OVCH1: variants seen among roughly 807,000 people sequenced by gnomAD.
OVCH1 encodes ovochymase-1.
Under a neutral mutation model 138.4 loss-of-function variants are expected in OVCH1, and 139 were observed. That is an observed-to-expected ratio of 1.00 (90% CI 0.87 to 1.16). OVCH1 has a LOEUF of 1.16. Among genes scored for constraint, OVCH1 ranks in the 50% most tolerant of loss-of-function variants. The pLI is 0.00. For missense variants in OVCH1, 1,367 were observed against 1,357.9 expected, an observed-to-expected ratio of 1.01 and a Z score of -0.11; for synonymous variants, 453 against 467.8, an observed-to-expected ratio of 0.97 and a Z score of 0.41.
intron 18 of OVCH1, 96 bp from the exon 19 acceptor site, chr12:29,462,104 T>C (rs1454804432): frequency 1.5e-6 from 2 of 1,314,806 alleles, no homozygotes; most frequent in African/African-American, 2.9e-5. Context: ...TGTACCAACA[T>C]AGCTGAAGTC....
chr12:29,478,932 T>A (rs1204447091), intron 8 of OVCH1: 1 of 1,517,106 alleles, frequency 6.6e-7, no homozygotes, highest in African/African-American at 1.4e-5. Context: ...TCAGGATTAT[T>A]TTATCTTCTG....
intron 3 of OVCH1, among the ~76,000 whole-genome samples, chr12:29,418,271 T>A (rs919922984): frequency 6.6e-6 from 1 of 152,202 alleles, no homozygotes; most frequent in Non-Finnish European, 1.5e-5. Flanking sequence ...TCAGTAACCA[T>A]TAAGCAAGAA....
At chr12:29,464,815 A>G (rs1942261500) in intron 17 of OVCH1, 113 bp from the exon 18 acceptor site, 5 of 903,264 alleles carry the variant, frequency 5.5e-6, no homozygotes, top group Non-Finnish European at 8.5e-6. Flanking sequence ...TACATAAACA[A>G]TGCAGAAGAC....
downstream of OVCH1, among the ~76,000 whole-genome samples, chr12:29,409,822 G>T (rs1401812602): frequency 6.6e-6 from 1 of 152,106 alleles, no homozygotes; most frequent in Non-Finnish European, 1.5e-5. Flanking sequence ...TGTCTATGAG[G>T]TCTGCTTGGT....
At chr12:29,463,662 T>C (rs895902057) in intron 18 of OVCH1, among the ~76,000 whole-genome samples, 8 of 152,192 alleles carry the variant, frequency 5.3e-5, no homozygotes, top group Non-Finnish European at 8.8e-5. Context: ...AGCAAGTTAC[T>C]TAAATCTTTG....
At chr12:29,441,094 T>G (rs1392163475) in intron 25 of OVCH1, among the ~76,000 whole-genome samples, 1 of 152,128 alleles carries the variant, frequency 6.6e-6, no homozygotes, top group African/African-American at 2.4e-5. Context: ...GTCCCATATA[T>G]CCCATGGTGT....
intron 18 of OVCH1, among the ~76,000 whole-genome samples, chr12:29,463,887 T>C (rs923875113): frequency 6.6e-6 from 1 of 152,186 alleles, no homozygotes; most frequent in African/African-American, 2.4e-5. Flanking sequence ...AAAATGATCT[T>C]GTATGGTATA....
chr12:29,474,879 T>C (rs1942648824), intron 14 of OVCH1, among the ~76,000 whole-genome samples, 182 bp downstream of exon 14: 1 of 152,164 alleles, frequency 6.6e-6, no homozygotes, highest in Non-Finnish European at 1.5e-5. Flanking sequence ...AAAGCACAGA[T>C]TCCTGGGCCC....
At chr12:29,475,808 G>A (rs959724145) in intron 13 of OVCH1, among the ~76,000 whole-genome samples, 2 of 152,184 alleles carry the variant, frequency 1.3e-5, no homozygotes, top group Non-Finnish European at 1.5e-5. Context: ...AGTTTTAAAA[G>A]TCTTAAAATT....
chr12:29,439,510 AC>A (rs1374304313), intron 25 of OVCH1: 2 of 1,360,962 alleles, frequency 1.5e-6, no homozygotes, highest in East Asian at 5.7e-5. Context: ...AAACTTCTCT[AC>A]ACCAACTAAA....
At chr12:29,471,829 A>C (rs1184694948) in exon 16 of OVCH1, 1 of 1,612,330 alleles carries the variant, frequency 6.2e-7, no homozygotes, top group South Asian at 1.1e-5. Context: ...TGCGGTCAGA[A>C]TCCACACTGG....
rs1195688729 is a variant in OVCH1, at chr12:29,478,827, A to G, written c.1069+8T>C. 3.8e-6 allele frequency: 6 copies of G among 1,559,538 alleles called. No individual in the cohort carries two copies. The Admixed American group carries it at 9.4e-5, about 24-fold the overall frequency. On this transcript the variant is annotated splice_region_variant and intron_variant, in intron 9 of 27. Transcript: ENST00000318184. ...AATGACAAATAAAAACAAATGTAAC[A>G]TACTTACTAAAAAGCACTCCACTGC...
At chr12:29,448,007 G>A (rs1394040962) in intron 22 of OVCH1, among the ~76,000 whole-genome samples, 1 of 151,562 alleles carries the variant, frequency 6.6e-6, no homozygotes, top group African/African-American at 2.4e-5. Context: ...ATCATAATGT[G>A]TTAGATTCTA....
downstream of OVCH1, among the ~76,000 whole-genome samples, chr12:29,423,823 A>G (rs1272819384): frequency 1.3e-5 from 2 of 152,224 alleles, no homozygotes; most frequent in East Asian, 3.9e-4. Flanking sequence ...TAATCTCTAC[A>G]TCGTCCTTAT....
intron 1 of OVCH1, 42 bp from the exon 2 acceptor site, chr12:29,496,716 T>G: frequency 7.0e-7 from 1 of 1,437,956 alleles, no homozygotes; most frequent in Non-Finnish European, 9.6e-7. Flanking sequence ...CAGAGCCTTA[T>G]GTAAGAGTTC....
chr12:29,455,523 T>G lies in OVCH1; in HGVS notation c.2281-118A>C, dbSNP rs1592060481. 3 of 1,169,412 alleles carry G rather than the reference T, an allele frequency of 2.6e-6. No individual in the cohort carries two copies. In the East Asian group the frequency reaches 8.4e-5, roughly 33 times the overall value. The allele number at this position is 1,169,412 out of a possible 1,614,324, so 72.4% of individuals were successfully genotyped here. On this transcript the variant is annotated intron_variant, in intron 19 of 27. Coordinates refer to ENST00000318184, the Ensembl canonical transcript of OVCH1. ...GTAATGTGTTTAATTCCTTAAAGAT[T>G]TGTTTTGTCAATTTCCATCTTTACA...
At chr12:29,428,378 C>T (rs1349965385) in intron 27 of OVCH1, among the ~76,000 whole-genome samples, 1 of 152,228 alleles carries the variant, frequency 6.6e-6, no homozygotes, top group Non-Finnish European at 1.5e-5. Context: ...GTTTTTCTAA[C>T]ACCTTCTTAC....
intron 12 of OVCH1, among the ~76,000 whole-genome samples, chr12:29,476,750 C>CGT (rs1491223909): frequency 2.6e-3 from 10 of 3,878 alleles, no homozygotes; most frequent in Middle Eastern, 0.12. Flanking sequence ...TAAGTACACA[C>CGT]GCGCGCACAC....
intron 17 of OVCH1, 144 bp downstream of exon 17, chr12:29,465,003 C>T: frequency 1.3e-6 from 1 of 793,354 alleles, no homozygotes; most frequent in Non-Finnish European, 1.9e-6. Context: ...TCTCAAATTG[C>T]ATTTTTAAAT....
Sources: allele counts gnomAD v4.1 joint callset (sites outside exome capture counted in the v4.1 genomes callset), GRCh38; gene constraint gnomAD v4.1.1; transcripts MANE v1.5; gene names NCBI Gene and HGNC (gene_info 2026-07-23, HGNC 2026-07-21).